The following ROBO2 variants were observed in gnomAD, a reference collection of about 807,000 sequenced individuals.
ROBO2 encodes roundabout homolog 2.
In ROBO2, 53 loss-of-function variants were observed where a neutral mutation model predicts 160.8. That is an observed-to-expected ratio of 0.33 (90% CI 0.26 to 0.41). The LOEUF is 0.41. Ranked by LOEUF, ROBO2 falls within the 10% of genes least tolerant of loss-of-function variation. ROBO2 has a pLI of 1.00. For missense variants in ROBO2, 1,577 were observed against 1,722.4 expected, an observed-to-expected ratio of 0.92 and a Z score of 1.49; for synonymous variants, 664 against 611.7, an observed-to-expected ratio of 1.09 and a Z score of -1.26.
intron 2 of ROBO2, among the ~76,000 whole-genome samples, chr3:76,652,011 A>T (rs751989288): frequency 6.6e-6 from 1 of 152,176 alleles, no homozygotes. Context: ...TCCCTGCAGG[A>T]TATCTTACAG....
intron 2 of ROBO2, among the ~76,000 whole-genome samples, chr3:76,790,330 G>T (rs2063276809): frequency 6.6e-6 from 1 of 151,616 alleles, no homozygotes; most frequent in African/African-American, 2.4e-5. Context: ...CCAAGCCAAA[G>T]GAATTGATGA....
intron 2 of ROBO2, among the ~76,000 whole-genome samples, chr3:76,390,542 G>T (rs1450805386): frequency 6.6e-6 from 1 of 152,074 alleles, no homozygotes; most frequent in East Asian, 1.9e-4. Flanking sequence ...CATCTAAGAT[G>T]AAATTCATTA....
At chr3:76,470,151 C>T (rs1474116955) in intron 2 of ROBO2, among the ~76,000 whole-genome samples, 8 of 152,134 alleles carry the variant, frequency 5.3e-5, no homozygotes, top group Non-Finnish European at 5.9e-5. Flanking sequence ...TCTGCAATAA[C>T]TAGTATGGCT....
intron 2 of ROBO2, among the ~76,000 whole-genome samples, chr3:76,259,001 A>G (rs1706573075): frequency 6.6e-6 from 1 of 152,206 alleles, no homozygotes; most frequent in Non-Finnish European, 1.5e-5. Flanking sequence ...AAAGACTAGG[A>G]ACATCATTTC....
At chr3:76,539,238 A>T (rs1324263166) in intron 2 of ROBO2, among the ~76,000 whole-genome samples, 1 of 152,074 alleles carries the variant, frequency 6.6e-6, no homozygotes, top group African/African-American at 2.4e-5. Flanking sequence ...ATAAATATGT[A>T]ATGCATGTGG....
At chr3:76,596,576 A>C (rs758680852) in intron 2 of ROBO2, among the ~76,000 whole-genome samples, 1 of 152,148 alleles carries the variant, frequency 6.6e-6, no homozygotes, top group Non-Finnish European at 1.5e-5. Flanking sequence ...TCACAAGCTG[A>C]GAAAACACAG....
At chr3:77,062,773 CA>C (rs1261151734) in intron 1 of ROBO2, among the ~76,000 whole-genome samples, 1 of 152,028 alleles carries the variant, frequency 6.6e-6, no homozygotes, top group Non-Finnish European at 1.5e-5. Flanking sequence ...AAGCAAGACA[CA>C]CAAAAAAAAT....
intron 2 of ROBO2, among the ~76,000 whole-genome samples, chr3:76,142,236 A>G (rs1287289236): frequency 3.9e-5 from 6 of 151,986 alleles, no homozygotes; most frequent in African/African-American, 1.4e-4. Flanking sequence ...ATAGTGATTG[A>G]CATTATGGAG....
intron 2 of ROBO2, among the ~76,000 whole-genome samples, chr3:76,461,075 C>G (rs2078059823): frequency 6.6e-6 from 1 of 152,220 alleles, no homozygotes; most frequent in South Asian, 2.1e-4. Flanking sequence ...AGAGGTTTAA[C>G]TGGCTCACAG....
chr3:76,019,086 G>T (rs1255397848), intron 2 of ROBO2, among the ~76,000 whole-genome samples: 2 of 150,698 alleles, frequency 1.3e-5, no homozygotes, highest in East Asian at 2.0e-4. Context: ...ACATGGTTTG[G>T]TTTTCTCTGA....
intron 2 of ROBO2, among the ~76,000 whole-genome samples, chr3:76,132,393 T>TTG (rs1186496624): frequency 1.1e-3 from 3 of 2,822 alleles, no homozygotes; most frequent in Non-Finnish European, 5.7e-3. Context: ...TTCCAGACTG[T>TTG]TGGGGGGGGG....
Position 77,498,610 on chromosome 3 carries a change from CT to C in ROBO2, c.806+5241del, listed in dbSNP as rs77599654. On this transcript the variant is annotated intron_variant, in intron 5 of 25. Transcript: ENST00000461745. ...AACTGAATGGAACTACTTATAATTCCTTTTTTTTTTTTTGGATGGCATTTTT... is the reference window on the plus strand; with the variant it reads ...AACTGAATGGAACTACTTATAATTCCTTTTTTTTTTTTGGATGGCATTTTT... Among the ~76,000 whole-genome samples the C allele has an allele frequency of 3.6e-3, 515 of 142,148 alleles. 1 individual carries two copies. Among genetic ancestry groups the C allele is most frequent in the East Asian group, 7.5e-3 (37 of 4,908 alleles). The allele number at this position is 142,148 out of a possible 152,430, so 93.3% of individuals were successfully genotyped here.
At chr3:76,960,321 A>G (rs1213088290) in intron 2 of ROBO2, among the ~76,000 whole-genome samples, 1 of 152,092 alleles carries the variant, frequency 6.6e-6, no homozygotes, top group African/African-American at 2.4e-5. Flanking sequence ...GAGGTGCTAT[A>G]ATTAAAATGT....
intron 2 of ROBO2, chr3:76,434,880 T>C (rs1345150881): frequency 1.3e-6 from 2 of 1,590,250 alleles, no homozygotes; most frequent in East Asian, 4.5e-5. Context: ...TGGTCCAGTA[T>C]GCAGTGGCCC....
chr3:77,541,075 A>G (rs2092440052), intron 6 of ROBO2, among the ~76,000 whole-genome samples: 1 of 152,216 alleles, frequency 6.6e-6, no homozygotes, highest in African/African-American at 2.4e-5. Context: ...AAAAAATTCG[A>G]AATGGCAATT....
intron 2 of ROBO2, among the ~76,000 whole-genome samples, chr3:77,029,359 GA>G (rs2063171140): frequency 6.6e-6 from 1 of 152,116 alleles, no homozygotes; most frequent in Admixed American, 6.6e-5. Context: ...GAATGTAGAA[GA>G]AAAATGATGA....
intron 9 of ROBO2, among the ~76,000 whole-genome samples, chr3:77,559,808 ATTTATC>A (rs898476561): frequency 2.6e-5 from 4 of 151,988 alleles, no homozygotes; most frequent in Non-Finnish European, 5.9e-5. Flanking sequence ...TATATATAAT[ATTTATC>A]TTTAATTTTT....
chr3:77,511,137 G>A (rs1378377222), intron 5 of ROBO2, among the ~76,000 whole-genome samples: 2 of 151,898 alleles, frequency 1.3e-5, no homozygotes, highest in African/African-American at 4.8e-5. Flanking sequence ...AGGAGAAGAT[G>A]GAAACTTGGG....
chr3:76,502,275 T>G (rs1027399239), intron 2 of ROBO2, among the ~76,000 whole-genome samples: 1 of 152,176 alleles, frequency 6.6e-6, no homozygotes, highest in African/African-American at 2.4e-5. Flanking sequence ...TTTCATTTCA[T>G]TGCCTGTCTA....
Sources: allele counts gnomAD v4.1 joint callset (sites outside exome capture counted in the v4.1 genomes callset), GRCh38; gene constraint gnomAD v4.1.1; transcripts MANE v1.5; gene names NCBI Gene and HGNC (gene_info 2026-07-23, HGNC 2026-07-21).